Variants in COL1A2 observed in about 807,000 individuals in gnomAD.
COL1A2 encodes the protein collagen type I alpha 2 chain, also known as collagen alpha-2(I) chain.
Under a neutral mutation model 174.3 loss-of-function variants are expected in COL1A2, and 49 were observed. The observed-to-expected ratio is 0.28, with a 90% confidence interval of 0.22 to 0.36. COL1A2 has a LOEUF of 0.36. COL1A2 is among the 10% of genes least tolerant of loss of function. The pLI is 1.00. For missense variants in COL1A2, 1,438 were observed against 1,822.7 expected, an observed-to-expected ratio of 0.79 and a Z score of 3.84; for synonymous variants, 655 against 606.6, an observed-to-expected ratio of 1.08 and a Z score of -1.17.
At chr7:94,401,798 CT>C (rs1791695821) in intron 6 of COL1A2, among the ~76,000 whole-genome samples, 178 bp downstream of exon 6, 1 of 151,958 alleles carries the variant, frequency 6.6e-6, no homozygotes, top group South Asian at 2.1e-4. Flanking sequence ...GTTCACTTTT[CT>C]TTACAAAAGA....
rs1232576560 is a variant in COL1A2, at chr7:94,408,835, G to A, written c.792+12G>A. 6.2e-6 allele frequency: 10 copies of A among 1,613,148 alleles called. No homozygotes were observed. The highest frequency in any genetic ancestry group is 8.5e-6 in the Non-Finnish European group (10 of 1,179,288). On this transcript the variant is annotated intron_variant, in intron 16 of 51. Coordinates refer to ENST00000297268, the MANE Select transcript of COL1A2 (RefSeq NM_000089.4). Reference sequence around the variant, plus strand: ...CCCCTGGCCCCAAGGTAAAAACACTGGTGACCATTGTCACTACTTTGATAA... The same window carrying A: ...CCCCTGGCCCCAAGGTAAAAACACTAGTGACCATTGTCACTACTTTGATAA...
rs756634467 is a variant in COL1A2 at position 94,423,015 on chromosome 7, C to T, written c.2462C>T (p.Pro821Leu). 5 of 1,614,072 alleles carry T rather than the reference C, an allele frequency of 3.1e-6. No individual in the cohort carries two copies. The Admixed American group carries it at 5.0e-5, about 16-fold the overall frequency. ...GCTGGGAAAGAAGGGCTTCGTGGTC[C>T]TCGTGGTGACCAAGGTCCAGTTGGC... ...GPAGKEGLRG[P>L]RGDQGPVGRT... Residue 821 changes from proline (P) to leucine (L), a missense_variant, in exon 40 of 52, where the codon CCT (proline) becomes CTT (leucine). Pro to Leu is a moderately conservative substitution (Grantham distance 98). This residue lies in a region of COL1A2 where 867 missense variants were observed against 1,213.7 expected (regional missense o/e 0.71). Transcript: ENST00000297268.
rs183112301 is a variant in COL1A2 at position 94,419,609 on chromosome 7, G to A, written c.2079+58G>A. 232 of 1,580,058 alleles carry A rather than the reference G, an allele frequency of 1.5e-4. 2 individuals carry two copies. In the African/African-American group the frequency reaches 2.9e-3, roughly 20 times the overall value. Reference sequence around the variant, plus strand: ...TATCTAAAATTTCCCGCCTTCCCTAGTCCCAAAGAGCCCCAGCAATTCATT... The same window carrying A: ...TATCTAAAATTTCCCGCCTTCCCTAATCCCAAAGAGCCCCAGCAATTCATT... On this transcript the variant is annotated intron_variant, in intron 34 of 51. Transcript: ENST00000297268.
At position 94,428,298 on chromosome 7, in the gene COL1A2, T is replaced by C. The variant is rs750815565; in HGVS notation, c.3532T>C (p.Tyr1178His). The change falls in exon 50 of 52, where the codon TAC becomes CAC. Residue 1178 changes from tyrosine to histidine, a missense_variant. Transcript: ENST00000297268. ...LSHPEWSSGY[Y>H]WIDPNQGCTM... is the part of the protein sequence containing the mutation. ...GAATGTTATTTTCTTAAAAGGTTAC[T>C]ACTGGATTGACCCTAACCAAGGATG... is the stretch of plus-strand genomic sequence containing the variant. The C allele has an allele frequency of 5.0e-6, 8 of 1,612,618 alleles. No individual in the cohort carries two copies. Among genetic ancestry groups the C allele is most frequent in the Non-Finnish European group, 6.8e-6 (8 of 1,178,626 alleles).
At chr7:94,416,851 T>G (rs2115918499) in intron 31 of COL1A2, 1 of 214,872 alleles carries the variant, frequency 4.7e-6, no homozygotes, top group Middle Eastern at 2.0e-3. Context: ...TCTTAACATC[T>G]CATCCCATAG....
In COL1A2 at chr7:94,407,910, A is replaced by T. The variant is rs183516726; in HGVS notation, c.639+19A>T. The T allele has an allele frequency of 2.7e-4, 432 of 1,608,776 alleles. No individual in the cohort carries two copies. Among genetic ancestry groups the T allele is most frequent in the Non-Finnish European group, 3.6e-4 (419 of 1,175,448 alleles). On this transcript the variant is annotated intron_variant, in intron 13 of 51. Coordinates refer to ENST00000297268, the MANE Select transcript of COL1A2 (RefSeq NM_000089.4). ...TCAAACAGTAAGTATTGACTACTTC[A>T]TTGTAAATTTAAATGTGTACACTCT...
At chr7:94,424,820 A>G in intron 41 of COL1A2, 1 of 482,478 alleles carries the variant, frequency 2.1e-6, no homozygotes, top group Non-Finnish European at 3.8e-6. Flanking sequence ...ACTAGAAACC[A>G]TCTCATCTCC....
At chr7:94,424,286 T>A (rs1459264895) in intron 40 of COL1A2, 50 bp from the exon 41 acceptor site, 1 of 1,502,338 alleles carries the variant, frequency 6.7e-7, no homozygotes, top group African/African-American at 1.4e-5. Context: ...CCAACCTGTG[T>A]TATCACCTAG....
At chr7:94,417,310 C>G (rs910900192) in intron 31 of COL1A2, among the ~76,000 whole-genome samples, 2 of 152,150 alleles carry the variant, frequency 1.3e-5, no homozygotes, top group African/African-American at 4.8e-5. Context: ...AGTCTCTACT[C>G]TTAAGGAGAT....
chr7:94,413,090 C>T lies in COL1A2; in HGVS notation c.1511C>T (p.Pro504Leu). Residue 504 changes from proline to leucine, a missense_variant, in exon 26 of 52, where the codon CCT becomes CTT. Coordinates refer to ENST00000297268, the MANE Select transcript of COL1A2 (RefSeq NM_000089.4). ...TTTTCATTTTTACTCTAGGGTGATCCTGGCAAAAACGGTGATAAAGGTCAT... is the reference window on the plus strand; with the variant it reads ...TTTTCATTTTTACTCTAGGGTGATCTTGGCAAAAACGGTGATAAAGGTCAT... The part of the protein sequence containing the change: ...FPGPKGPTGD[P>L]GKNGDKGHAG... The T allele has an allele frequency of 1.2e-6, 2 of 1,614,080 alleles. No homozygotes were observed. Among genetic ancestry groups the T allele is most frequent in the Non-Finnish European group, 1.7e-6 (2 of 1,179,968 alleles).
At chr7:94,413,184 G>C (rs1791967203) in intron 26 of COL1A2, 48 bp downstream of exon 26, 2 of 1,565,812 alleles carry the variant, frequency 1.3e-6, no homozygotes, top group South Asian at 1.1e-5. Context: ...ATTCATCTAA[G>C]AACCACACTT....
chr7:94,425,927 G>A (rs1792264190), intron 44 of COL1A2, 70 bp downstream of exon 44: 7 of 1,602,404 alleles, frequency 4.4e-6, no homozygotes, highest in Non-Finnish European at 6.0e-6. Flanking sequence ...CCCCACACTT[G>A]GGGATGGTGG....
intron 46 of COL1A2, 167 bp from the exon 47 acceptor site, chr7:94,426,841 T>A: frequency 3.0e-6 from 2 of 667,842 alleles, no homozygotes; most frequent in Non-Finnish European, 5.2e-6. Context: ...GAAAAAAAAA[T>A]TGAATATAAT....
intron 25 of COL1A2, 90 bp downstream of exon 25, chr7:94,412,772 G>A (rs1791955735): frequency 1.8e-6 from 2 of 1,121,652 alleles, no homozygotes; most frequent in Admixed American, 1.9e-5. Context: ...AATCAGTCCA[G>A]TCTCAGGGAG....
At chr7:94,417,012 T>C (rs528742300) in intron 31 of COL1A2, among the ~76,000 whole-genome samples, 1 of 152,278 alleles carries the variant, frequency 6.6e-6, no homozygotes, top group East Asian at 1.9e-4. Context: ...AGATTTAATA[T>C]ACATTCCTGA....
chr7:94,421,753 A>C, intron 38 of COL1A2, 146 bp from the exon 39 acceptor site: 1 of 701,694 alleles, frequency 1.4e-6, no homozygotes, highest in Non-Finnish European at 2.5e-6. Context: ...CTGGCTAAAT[A>C]ATGCCCTATA....
chr7:94,425,709 G>A, intron 43 of COL1A2, 41 bp from the exon 44 acceptor site: 1 of 1,614,030 alleles, frequency 6.2e-7, no homozygotes, highest in Non-Finnish European at 8.5e-7. Flanking sequence ...TGATTAAAAT[G>A]CAACCCAGAT....
chr7:94,405,539 CTG>C lies in COL1A2; in HGVS notation c.487-131_487-130del, dbSNP rs200768179. The C allele has an allele frequency of 3.1e-4, 270 of 861,462 alleles. No homozygotes were observed. In the East Asian group the frequency reaches 6.5e-3, roughly 21 times the overall value. 53.4% of individuals were successfully genotyped at this position (861,462 alleles called of 1,614,324 possible). On this transcript the variant is annotated intron_variant, in intron 10 of 51. Coordinates refer to ENST00000297268, the MANE Select transcript of COL1A2 (RefSeq NM_000089.4). ...CATTAGAGCAAGTTAATTTGTCACTCTGTGCTTAGAGGTATACTAGACTTTGG... is the reference window on the plus strand; with the variant it reads ...CATTAGAGCAAGTTAATTTGTCACTCTGCTTAGAGGTATACTAGACTTTGG...
chr7:94,405,054 C>A, intron 9 of COL1A2, 145 bp from the exon 10 acceptor site: 1 of 1,074,840 alleles, frequency 9.3e-7, no homozygotes, highest in Non-Finnish European at 1.4e-6. Context: ...AACTAACCTA[C>A]TTGTATTAAG....
Sources: allele counts gnomAD v4.1 joint callset (sites outside exome capture counted in the v4.1 genomes callset), GRCh38; gene constraint gnomAD v4.1.1; regional missense constraint gnomAD v4.1.1; transcripts MANE v1.5; gene names NCBI Gene and HGNC (gene_info 2026-07-23, HGNC 2026-07-21).